Variants in VCP observed in about 807,000 individuals in gnomAD.
VCP encodes valosin containing protein, also known as transitional endoplasmic reticulum ATPase.
VCP carries 6 observed loss-of-function variants against 85.7 expected under a neutral mutation model. The observed-to-expected ratio is 0.07, with a 90% CI of 0.04 to 0.14. The LOEUF (loss-of-function observed/expected upper bound fraction) is 0.14, where lower values mean the gene tolerates loss of function less well. Among genes scored for constraint, VCP ranks in the 10% least tolerant of loss-of-function variants. The pLI is 1.00. For missense variants in VCP, 353 were observed against 1,043.4 expected (o/e 0.34, Z 9.12); for synonymous variants, 384 against 367.1 (o/e 1.05, Z -0.53).
Position 35,072,574 on chromosome 9 carries a change from CG to C in VCP, c.-222del. The C allele has an allele frequency of 2.0e-6, 1 of 507,766 alleles. No homozygotes were observed. Among genetic ancestry groups the C allele is most frequent in the Non-Finnish European group, 3.3e-6 (1 of 301,868 alleles). The allele number at this position is 507,766 out of a possible 1,614,324, so 31.5% of individuals were successfully genotyped here. ...CGCGAGGTGGCAGTGGCAGTGGCAG[CG>C]GCAGCGGCAGCGACGACTCAAACGA... On this transcript the variant is annotated 5_prime_UTR_variant, in exon 1 of 17. Transcript: ENST00000358901.
Position 35,059,498 on chromosome 9 carries a change from C to T in VCP, c.1999G>A (p.Ala667Thr). 1 of 1,613,844 alleles carries T rather than the reference C, an allele frequency of 6.2e-7. No individual in the cohort carries two copies. Among genetic ancestry groups the T allele is most frequent in the South Asian group, 1.1e-5 (1 of 91,070 alleles). ...LKANLRKSPV[A>T]KDVDLEFLAK... ...GCCCATGATCTTGCACCTGCCTTGG[C>T]AACTGGGGACTTGCGCAGGTTAGCC... Residue 667 changes from alanine to threonine, a missense_variant, in exon 14 of 17, where the codon GCC becomes ACC. By Grantham distance (58) the Ala-to-Thr change is moderately conservative. Around this residue, in one of 8 missense-constraint regions of VCP, gnomAD observed 93 missense variants for 197.1 expected, o/e 0.47. Transcript: ENST00000358901. The surrounding 1 kb of genome is among the most constrained non-coding windows in gnomAD (Gnocchi z 4.9).
At chr9:35,071,876 A>G (rs1233438573) in intron 1 of VCP, 11 of 994,586 alleles carry the variant, frequency 1.1e-5, no homozygotes, top group Middle Eastern at 5.1e-4. Context: ...CACATGGCGC[A>G]AAGTCCACGC....
intron 4 of VCP, among the ~76,000 whole-genome samples, chr9:35,066,258 CTG>C (rs1828827976): frequency 7.7e-6 from 1 of 130,664 alleles, no homozygotes; most frequent in African/African-American, 2.9e-5. Context: ...TAGTGAGACC[CTG>C]TCTCTTTTTT....
intron 3 of VCP, 134 bp from the exon 4 acceptor site, chr9:35,066,951 AAGG>A (rs1307927008): frequency 7.0e-7 from 1 of 1,428,414 alleles, no homozygotes; most frequent in Non-Finnish European, 9.8e-7. Flanking sequence ...CGAAGAGAGG[AAGG>A]AGAACAGGGT....
chr9:35,068,411 G>GC, intron 1 of VCP, 49 bp from the exon 2 acceptor site: 2 of 1,496,206 alleles, frequency 1.3e-6, no homozygotes, highest in Non-Finnish European at 1.9e-6. Flanking sequence ...CAAGCGCCTC[G>GC]CCAGTCTCTA....
Position 35,056,339 on chromosome 9 carries a change from A to C in VCP, c.*778T>G, listed in dbSNP as rs1386823774. The C allele has an allele frequency of 1.3e-5, 2 of 152,650 alleles. No individual in the cohort carries two copies. Among genetic ancestry groups the C allele is most frequent in the Non-Finnish European group, 2.9e-5 (2 of 68,276 alleles). The allele number at this position is 152,650 out of a possible 1,614,324, so 9.5% of individuals were successfully genotyped here. A position where few individuals can be genotyped will look rare whatever the true frequency, so the allele number is the denominator to read the frequency against. ...TAGGTGGAGGGATGCCATATTCTCC[A>C]CATTTGGAGCTCTGTCAGGCTGCTC... On this transcript the variant is annotated 3_prime_UTR_variant, in exon 17 of 17. Transcript: ENST00000358901.
chr9:35,061,777 C>G, intron 9 of VCP, 88 bp from the exon 10 acceptor site: 1 of 1,388,178 alleles, frequency 7.2e-7, no homozygotes, highest in Non-Finnish European at 1.0e-6. Flanking sequence ...TCTCAGCCAG[C>G]ACAGGATTGT....
intron 4 of VCP, 148 bp from the exon 5 acceptor site, chr9:35,065,529 C>A (rs1828812064): frequency 9.5e-7 from 1 of 1,054,674 alleles, no homozygotes; most frequent in Non-Finnish European, 1.4e-6. Flanking sequence ...TCCACCCCAC[C>A]TGTCTTAATA....
chr9:35,063,534 A>G (rs192729392), intron 6 of VCP, among the ~76,000 whole-genome samples: 1 of 152,314 alleles, frequency 6.6e-6, no homozygotes, highest in African/African-American at 2.4e-5. Flanking sequence ...GCTGTTCCTT[A>G]CAATCATCAT....
At position 35,059,310 on chromosome 9, in the gene VCP, T is replaced by C. The variant is rs1828674467; in HGVS notation, c.2005-91A>G. On this transcript the variant is annotated intron_variant, in intron 14 of 16. Coordinates refer to ENST00000358901, the MANE Select transcript of VCP (RefSeq NM_007126.5). The surrounding 1 kb of genome is among the most constrained non-coding windows in gnomAD (Gnocchi z 4.9). ...CTACCCGAGCACTCCCAACTACAGT[T>C]TGCCCCTTCTTTGGCCACCCCATTT... 1.9e-6 allele frequency: 3 copies of C among 1,580,702 alleles called. No homozygotes were observed. Among genetic ancestry groups the C allele is most frequent in the Non-Finnish European group, 8.6e-7 (1 of 1,161,664 alleles).
intron 4 of VCP, among the ~76,000 whole-genome samples, chr9:35,066,199 G>C (rs1387381593): frequency 6.6e-6 from 1 of 151,828 alleles, no homozygotes; most frequent in African/African-American, 2.4e-5. Context: ...GGGAGGCCAT[G>C]GCAGATGGAT....
chr9:35,058,523 G>A (rs991905542), intron 15 of VCP, among the ~76,000 whole-genome samples: 1 of 152,182 alleles, frequency 6.6e-6, no homozygotes, highest in Non-Finnish European at 1.5e-5. Context: ...AGCACTTTGG[G>A]AGGCCGAGGT....
In VCP at chr9:35,061,582, C is replaced by G. The variant is rs746717302; in HGVS notation, c.1189G>C (p.Glu397Gln). 1 of 1,614,024 alleles carries G rather than the reference C, an allele frequency of 6.2e-7. No homozygotes were observed. Among genetic ancestry groups the G allele is most frequent in the Non-Finnish European group, 8.5e-7 (1 of 1,179,888 alleles). ...AGCCATCATCATCACTTCACCTGTT[C>G]CAGGTCCACATCATCTGCCAGCTTC... ...NMKLADDVDLEQVANETHGHV... is the reference protein window; with the variant it reads ...NMKLADDVDLQQVANETHGHV... The change falls in exon 10 of 17, where the codon GAA (glutamate) becomes CAA (glutamine). Residue 397 changes from glutamate to glutamine, a missense_variant. Physicochemically the swap from Glu to Gln is conservative, Grantham distance 29. Transcript: ENST00000358901.
chr9:35,059,479 G>A lies in VCP; in HGVS notation c.2004+14C>T. On this transcript the variant is annotated intron_variant, in intron 14 of 16. Coordinates refer to ENST00000358901, the MANE Select transcript of VCP (RefSeq NM_007126.5). The surrounding 1 kb of genome is among the most constrained non-coding windows in gnomAD (Gnocchi z 4.9). ...CTCATGCAAGTCTCCCACAGCCCAT[G>A]ATCTTGCACCTGCCTTGGCAACTGG... 1 of 1,613,584 alleles carries A rather than the reference G, an allele frequency of 6.2e-7. No individual in the cohort carries two copies. The highest frequency in any genetic ancestry group is 8.5e-7 in the Non-Finnish European group (1 of 1,179,998).
At chr9:35,068,571 G>T (rs118041972) in intron 1 of VCP, among the ~76,000 whole-genome samples, 5 of 152,156 alleles carry the variant, frequency 3.3e-5, no homozygotes, top group Non-Finnish European at 5.9e-5. Flanking sequence ...TATTTTGAGC[G>T]TCAGTGTCCC....
rs756718766 is a variant in VCP at position 35,061,550 on chromosome 9, C to T, written c.1194+27G>A. ...GCAACTGCCTAGAGACACTGTAACGCCTGGTCAGCCATCATCATCACTTCA... is the reference window on the plus strand; with the variant it reads ...GCAACTGCCTAGAGACACTGTAACGTCTGGTCAGCCATCATCATCACTTCA... On this transcript the variant is annotated intron_variant, in intron 10 of 16. Coordinates refer to ENST00000358901, the MANE Select transcript of VCP (RefSeq NM_007126.5). 6.9e-6 allele frequency: 11 copies of T among 1,603,746 alleles called. No homozygotes were observed. In the Admixed American group the frequency reaches 1.2e-4, roughly 17 times the overall value.
At chr9:35,064,109 C>A (rs1828781059) in intron 6 of VCP, 45 bp downstream of exon 6, 1 of 1,613,584 alleles carries the variant, frequency 6.2e-7, no homozygotes. Context: ...CAGGATTAGA[C>A]ATTGGCACCA....
intron 13 of VCP, 86 bp downstream of exon 13, chr9:35,060,227 G>T: frequency 1.4e-6 from 2 of 1,389,402 alleles, no homozygotes; most frequent in South Asian, 1.2e-5. Flanking sequence ...CCAGCACTAA[G>T]AATATTTCAA....
chr9:35,072,506 C>T lies in VCP; in HGVS notation c.-153G>A, dbSNP rs1828980840. ...AAGCGGCTTCCCTCTCGCTTCCTCC[C>T]ACCGGCAGCGAGGCGTCGGGCGAAC... On this transcript the variant is annotated 5_prime_UTR_variant, in exon 1 of 17. Transcript: ENST00000358901. The T allele has an allele frequency of 9.9e-7, 1 of 1,013,810 alleles. No homozygotes were observed. The highest frequency in any genetic ancestry group is 1.3e-6 in the Non-Finnish European group (1 of 757,208). 62.8% of individuals were successfully genotyped at this position (1,013,810 alleles called of 1,614,324 possible).
Sources: allele counts gnomAD v4.1 joint callset (sites outside exome capture counted in the v4.1 genomes callset), GRCh38; gene constraint gnomAD v4.1.1; regional missense constraint gnomAD v4.1.1; non-coding constraint Gnocchi (gnomAD v3.1); transcripts MANE v1.5; gene names NCBI Gene and HGNC (gene_info 2026-07-23, HGNC 2026-07-21).